C17orf75: variants seen among roughly 807,000 people sequenced by gnomAD.
The protein encoded by C17orf75 is chromosome 17 open reading frame 75, also known as protein Njmu-R1.
In C17orf75, 32 loss-of-function variants were observed where a neutral mutation model predicts 49.6. That is an observed-to-expected ratio of 0.65 (90% confidence interval 0.49 to 0.87). The LOEUF (loss-of-function observed/expected upper bound fraction) is 0.87, where lower values mean the gene tolerates loss of function less well. Among genes scored for constraint, C17orf75 ranks in the 40% least tolerant of loss-of-function variants. The pLI is 0.00. For synonymous variants in C17orf75, 158 were observed against 159.5 expected (o/e 0.99, Z 0.07); for missense variants, 428 against 473.9 (o/e 0.90, Z 0.90).
At chr17:32,342,753 T>C (rs901400569), upstream of C17orf75, among the ~76,000 whole-genome samples, 1 of 152,188 alleles carries the variant, frequency 6.6e-6, no homozygotes, top group African/African-American at 2.4e-5. Context: ...CTGGGCAACA[T>C]GGTGAAACTG....
chr17:32,348,057 G>T (rs540461090), intron 1 of C17orf75, among the ~76,000 whole-genome samples: 1 of 149,828 alleles, frequency 6.7e-6, no homozygotes, highest in African/African-American at 2.5e-5. Context: ...TTGCTCTGTC[G>T]CCCGGACTGG....
intron 7 of C17orf75, 85 bp from the exon 8 acceptor site, chr17:32,334,690 G>A: frequency 1.3e-6 from 2 of 1,570,358 alleles, no homozygotes; most frequent in South Asian, 1.2e-5. Flanking sequence ...GGGCTGGTGG[G>A]GAAGGGATGG....
upstream of C17orf75, among the ~76,000 whole-genome samples, chr17:32,344,404 T>C (rs528643383): frequency 1.3e-5 from 2 of 151,534 alleles, no homozygotes; most frequent in South Asian, 4.2e-4. Flanking sequence ...GATCACAAGG[T>C]CAGGAGATCG....
At chr17:32,334,678 C>T in intron 7 of C17orf75, 73 bp from the exon 8 acceptor site, 1 of 1,583,572 alleles carries the variant, frequency 6.3e-7, no homozygotes, top group Non-Finnish European at 8.6e-7. Context: ...TTATTTTGCA[C>T]TGGGCTGGTG....
upstream of C17orf75, among the ~76,000 whole-genome samples, chr17:32,345,910 A>G (rs1368120540): frequency 6.6e-6 from 1 of 152,056 alleles, no homozygotes; most frequent in African/African-American, 2.4e-5. Context: ...ACAAACCAAG[A>G]TCTCTGGACA....
intron 5 of C17orf75, among the ~76,000 whole-genome samples, chr17:32,337,270 G>A (rs2041334344): frequency 6.6e-6 from 1 of 152,126 alleles, no homozygotes; most frequent in South Asian, 2.1e-4. Context: ...AGACCAGCCT[G>A]GGCAACAAAG....
rs377285577 is a variant in C17orf75 at position 32,333,408 on chromosome 17, A to C, written c.975+9T>G. The C allele has an allele frequency of 8.8e-6, 14 of 1,593,038 alleles. No individual in the cohort carries two copies. The highest frequency in any genetic ancestry group is 1.1e-5 in the Non-Finnish European group (13 of 1,168,994). ...TCATGTGGCACTTGGCACACAGCCAACTAATTACCTTTAGTTTAAAGTTCT... is the reference window on the plus strand; with the variant it reads ...TCATGTGGCACTTGGCACACAGCCACCTAATTACCTTTAGTTTAAAGTTCT... On this transcript the variant is annotated intron_variant, in intron 9 of 9. Transcript: ENST00000577809.
At chr17:32,341,825 A>T (rs1204840569) in intron 1 of C17orf75, 175 bp downstream of exon 1, 1 of 1,066,522 alleles carries the variant, frequency 9.4e-7, no homozygotes, top group East Asian at 7.5e-5. Context: ...GGCCAGGAAG[A>T]GCAGCGGGAG....
At position 32,329,301 on chromosome 17, in the gene C17orf75, C is replaced by T. The variant is rs985462925; in HGVS notation, c.*2462G>A. The T allele has an allele frequency of 6.6e-6, 1 of 152,194 alleles. No individual in the cohort carries two copies. The highest frequency in any genetic ancestry group is 2.4e-5 in the African/African-American group (1 of 41,388). 9.4% of individuals were successfully genotyped at this position (152,194 alleles called of 1,614,324 possible). A position where few individuals can be genotyped will look rare whatever the true frequency, so the allele number is the denominator to read the frequency against. On this transcript the variant is annotated 3_prime_UTR_variant, in exon 10 of 10. Coordinates refer to ENST00000577809, the MANE Select transcript of C17orf75 (RefSeq NM_022344.4). ...CAGGATGGTCTCGATCTCCTGACCTCATGATCTGCCCGCCTAGGCCTCCCA... is the reference window on the plus strand; with the variant it reads ...CAGGATGGTCTCGATCTCCTGACCTTATGATCTGCCCGCCTAGGCCTCCCA...
upstream of C17orf75, among the ~76,000 whole-genome samples, chr17:32,345,380 G>A (rs182035253): frequency 0.011 from 1,663 of 152,132 alleles, 16 homozygotes; most frequent in Non-Finnish European, 0.017. Context: ...GAAGGCTGAG[G>A]CAGAAGAATC....
Position 32,338,359 on chromosome 17 carries a change from A to C in C17orf75, c.348-8T>G, listed in dbSNP as rs544712139. On this transcript the variant is annotated splice_polypyrimidine_tract_variant and splice_region_variant and intron_variant, in intron 3 of 9. Transcript: ENST00000577809. ...ACTCGGTAACCTGGAATTCTAGAAA[A>C]GAAAGAAAATGTAAAATGCATTATT... 22 of 1,597,010 alleles carry C rather than the reference A, an allele frequency of 1.4e-5. No individual in the cohort carries two copies. In the East Asian group the frequency reaches 4.0e-4, roughly 29 times the overall value.
upstream of C17orf75, among the ~76,000 whole-genome samples, chr17:32,345,971 T>C (rs546852096): frequency 6.6e-6 from 1 of 152,182 alleles, no homozygotes; most frequent in Non-Finnish European, 1.5e-5. Flanking sequence ...TCAGCTGATA[T>C]ATGTATCTAT....
Position 32,341,240 on chromosome 17 carries a change from C to G in C17orf75, c.185G>C (p.Gly62Ala). 5.6e-6 allele frequency: 9 copies of G among 1,613,912 alleles called. No individual in the cohort carries two copies. Among genetic ancestry groups the G allele is most frequent in the Non-Finnish European group, 7.6e-6 (9 of 1,179,880 alleles). ...ACCAGAGGGAGTTTCTGCATTTGTG[C>G]CACTTGGGCTTCCGTCCTCACTGTC... ...RGDSEDGSPSGTNAETPSGDD... is the reference protein window; with the variant it reads ...RGDSEDGSPSATNAETPSGDD... The change falls in exon 2 of 10, where the codon GGC becomes GCC. Residue 62 changes from glycine (G) to alanine (A), a missense_variant. Coordinates refer to ENST00000577809, the MANE Select transcript of C17orf75 (RefSeq NM_022344.4).
chr17:32,344,197 C>T, upstream of C17orf75: 1 of 455,320 alleles, frequency 2.2e-6, no homozygotes. Context: ...CAGTGTATCA[C>T]TTTGTTGCTC....
At chr17:32,332,576 G>A (rs56070007) in intron 9 of C17orf75, among the ~76,000 whole-genome samples, 1 of 152,140 alleles carries the variant, frequency 6.6e-6, no homozygotes, top group Non-Finnish European at 1.5e-5. Flanking sequence ...ACTAGCCTGG[G>A]CAACACAGCA....
At chr17:32,334,926 C>T in intron 6 of C17orf75, 87 bp from the exon 7 acceptor site, 1 of 1,082,226 alleles carries the variant, frequency 9.2e-7, no homozygotes, top group Non-Finnish European at 1.3e-6. Context: ...CCATAAGTCC[C>T]TACCACACTG....
intron 1 of C17orf75, among the ~76,000 whole-genome samples, chr17:32,347,276 T>A (rs1416211629): frequency 6.6e-6 from 1 of 151,816 alleles, no homozygotes; most frequent in Non-Finnish European, 1.5e-5. Context: ...TTTATTTCTT[T>A]TCTTTCTTTT....
In C17orf75 at chr17:32,331,791, A is replaced by G; in HGVS notation, c.1163T>C (p.Met388Thr). The G allele has an allele frequency of 6.2e-7, 1 of 1,613,722 alleles. No individual in the cohort carries two copies. Among genetic ancestry groups the G allele is most frequent in the Admixed American group, 1.7e-5 (1 of 60,020 alleles). Residue 388 changes from methionine (M) to threonine (T), a missense_variant, in exon 10 of 10, where the codon ATG becomes ACG. By Grantham distance (81) the Met-to-Thr change is moderately conservative (BLOSUM62 -1). Coordinates refer to ENST00000577809, the MANE Select transcript of C17orf75 (RefSeq NM_022344.4). ...KNVIAVLEEF[M>T]KEALDQSF ...AAAACTTTGGTCAAGAGCTTCTTTC[A>G]TGAATTCTTCAAGGACAGCTATCAC...
intron 2 of C17orf75, among the ~76,000 whole-genome samples, chr17:32,340,655 A>G (rs989174956): frequency 7.9e-5 from 12 of 150,948 alleles, no homozygotes; most frequent in African/African-American, 2.7e-4. Context: ...AAAAAAAAAA[A>G]AAAATTTTTC....
Sources: allele counts gnomAD v4.1 joint callset (sites outside exome capture counted in the v4.1 genomes callset), GRCh38; gene constraint gnomAD v4.1.1; transcripts MANE v1.5; gene names NCBI Gene and HGNC (gene_info 2026-07-23, HGNC 2026-07-21).